Variants in HOMER3 observed in about 807,000 individuals in gnomAD.
HOMER3 encodes homer scaffold protein 3.
In HOMER3, 34 loss-of-function variants were observed where a neutral mutation model predicts 45.5. The observed-to-expected ratio is 0.75, with a 90% CI of 0.57 to 1.00. The LOEUF is 1.00. Ranked by LOEUF, HOMER3 falls within the 50% of genes least tolerant of loss-of-function variation. The pLI is 0.00. For synonymous variants in HOMER3, 223 were observed against 208.8 expected, an observed-to-expected ratio of 1.07 and a Z score of -0.58; for missense variants, 480 against 497.5, an observed-to-expected ratio of 0.96 and a Z score of 0.33.
In HOMER3 at chr19:18,941,191, G is replaced by A. The variant is rs1210100834; in HGVS notation, c.-208C>T. On this transcript the variant is annotated 5_prime_UTR_variant, in exon 1 of 10. Transcript: ENST00000392351. ...CCGCGCCGCCCTCCACGCCGCCCGTGCCTTTGTCTGCGCCGCCGCCGCCCG... is the reference window on the plus strand; with the variant it reads ...CCGCGCCGCCCTCCACGCCGCCCGTACCTTTGTCTGCGCCGCCGCCGCCCG... 1 of 147,994 alleles carries A rather than the reference G, an allele frequency of 6.8e-6. No individual in the cohort carries two copies. Among genetic ancestry groups the A allele is most frequent in the Non-Finnish European group, 1.5e-5 (1 of 66,216 alleles). 9.2% of individuals were successfully genotyped at this position (147,994 alleles called of 1,614,324 possible).
chr19:18,935,630 C>T (rs2057083391), intron 4 of HOMER3, among the ~76,000 whole-genome samples: 1 of 152,012 alleles, frequency 6.6e-6, no homozygotes, highest in Non-Finnish European at 1.5e-5. Flanking sequence ...TTACATTTAC[C>T]ACCTATTTAT....
Position 18,932,988 on chromosome 19 carries a change from T to C in HOMER3, c.469A>G (p.Ser157Gly). 6.8e-7 allele frequency: 1 copy of C among 1,467,374 alleles called. No individual in the cohort carries two copies. Among genetic ancestry groups the C allele is most frequent in the Non-Finnish European group, 9.0e-7 (1 of 1,111,828 alleles). 90.9% of individuals were successfully genotyped at this position (1,467,374 alleles called of 1,614,324 possible). The change falls in exon 6 of 10, where the codon AGC (serine) becomes GGC (glycine). Residue 157 changes from serine to glycine, a missense_variant. By Grantham distance (56) the Ser-to-Gly change is moderately conservative (BLOSUM62 0). Transcript: ENST00000392351. ...NGPGEEKLFR[S>G]QSADAPGPTE... ...GGGCCGGGGGCATCAGCGCTCTGGC[T>C]GCGGAACAGTTTTTCCTCGCCGGGG...
chr19:18,932,343 G>A (rs1178560205), intron 6 of HOMER3, among the ~76,000 whole-genome samples: 2 of 143,266 alleles, frequency 1.4e-5, no homozygotes, highest in African/African-American at 5.2e-5. Flanking sequence ...CAGCGGCAAT[G>A]CTCGGTTAGG....
At chr19:18,932,364 A>G (rs113844186) in intron 6 of HOMER3, among the ~76,000 whole-genome samples, 2,967 of 14,892 alleles carry the variant, frequency 0.2, 133 homozygotes, top group African/African-American at 0.38. Flanking sequence ...GGGCGGGGCC[A>G]GGGTGGGTGG....
chr19:18,938,624 G>T, intron 3 of HOMER3, 104 bp downstream of exon 3: 1 of 1,503,314 alleles, frequency 6.7e-7, no homozygotes, highest in Non-Finnish European at 9.1e-7. Context: ...GCCTGGGAAG[G>T]CTTAGGGTTT....
chr19:18,933,083 C>T, intron 5 of HOMER3, 38 bp from the exon 6 acceptor site: 1 of 1,455,618 alleles, frequency 6.9e-7, no homozygotes, highest in Non-Finnish European at 9.1e-7. Flanking sequence ...GACCCCACAT[C>T]AGCTGGGATC....
At chr19:18,938,249 A>G in intron 4 of HOMER3, 104 bp downstream of exon 4, 3 of 1,236,774 alleles carry the variant, frequency 2.4e-6, no homozygotes, top group Non-Finnish European at 3.4e-6. Context: ...CCCATCCTGC[A>G]GATGGGAAGA....
Position 18,939,048 on chromosome 19 carries a change from C to A in HOMER3, c.-66G>T. ...GAGGTGGCAGGAGCACTGGTTTGGCCCCTAGGGAGAGAGGAGGGACTATGA... is the reference window on the plus strand; with the variant it reads ...GAGGTGGCAGGAGCACTGGTTTGGCACCTAGGGAGAGAGGAGGGACTATGA... On this transcript the variant is annotated splice_region_variant and 5_prime_UTR_variant, in exon 2 of 10. Transcript: ENST00000392351. 1 of 1,482,942 alleles carries A rather than the reference C, an allele frequency of 6.7e-7. No homozygotes were observed. Among genetic ancestry groups the A allele is most frequent in the Non-Finnish European group, 9.0e-7 (1 of 1,110,958 alleles). The allele number at this position is 1,482,942 out of a possible 1,614,324, so 91.9% of individuals were successfully genotyped here. A position where few individuals can be genotyped will look rare whatever the true frequency, so the allele number is the denominator to read the frequency against.
At chr19:18,936,262 G>A (rs1033006828) in intron 4 of HOMER3, among the ~76,000 whole-genome samples, 3 of 150,282 alleles carry the variant, frequency 2.0e-5, no homozygotes, top group Non-Finnish European at 4.4e-5. Flanking sequence ...GCGGTGAGCC[G>A]AGATCGCACC....
intron 1 of HOMER3, chr19:18,940,213 G>C (rs1407346767): frequency 6.6e-6 from 1 of 152,472 alleles, no homozygotes; most frequent in Non-Finnish European, 1.5e-5. Context: ...ACTGGGGGCG[G>C]GTCCTGCGCC....
intron 6 of HOMER3, 28 bp from the exon 7 acceptor site, chr19:18,932,160 G>A: frequency 6.6e-7 from 1 of 1,507,244 alleles, no homozygotes; most frequent in African/African-American, 1.4e-5. Context: ...TCGGCAGTGG[G>A]TGACACGGGG....
intron 9 of HOMER3, chr19:18,931,119 G>A (rs368125575): frequency 5.4e-6 from 3 of 550,670 alleles, no homozygotes; most frequent in East Asian, 2.9e-5. Context: ...TGGGAATACA[G>A]CAGGAACTCA....
rs535674442 is a variant in HOMER3, at chr19:18,932,252, C to A, written c.534-120G>T. ...CTCTGGGCTTAGGTCAGGGCGAAGG[C>A]TGGCGAGGGTGCGGAGTCGTGCGCG... is the stretch of plus-strand genomic sequence containing the variant. On this transcript the variant is annotated intron_variant, in intron 6 of 9. Coordinates refer to ENST00000392351, the MANE Select transcript of HOMER3 (RefSeq NM_004838.4). 1.8e-3 allele frequency: 1,619 copies of A among 898,728 alleles called. 21 individuals are homozygous for A. In the African/African-American group the frequency reaches 0.03, roughly 17 times the overall value. 55.7% of individuals were successfully genotyped at this position (898,728 alleles called of 1,614,324 possible).
chr19:18,929,480 C>T lies in HOMER3; in HGVS notation c.1049G>A (p.Arg350His), dbSNP rs144253419. The T allele has an allele frequency of 3.1e-6, 5 of 1,599,654 alleles. No individual in the cohort carries two copies. The highest frequency in any genetic ancestry group is 2.7e-5 in the African/African-American group (2 of 74,868). Residue 350 changes from arginine to histidine, a missense_variant, in exon 10 of 10, where the codon CGT (arginine) becomes CAT (histidine). Arg to His is a conservative substitution (Grantham distance 29). Transcript: ENST00000392351. ...CTCAGCCAGGCGGGCCAGGCCCTCACGCAGCTCACTCAGCTCAAACAGGCT... is the reference window on the plus strand; with the variant it reads ...CTCAGCCAGGCGGGCCAGGCCCTCATGCAGCTCACTCAGCTCAAACAGGCT... ...DVSLFELSEL[R>H]EGLARLAEAA...
At position 18,931,112 on chromosome 19, in the gene HOMER3, G is replaced by A. The variant is rs2057026687; in HGVS notation, c.894+213C>T. 9.6e-5 allele frequency: 52 copies of A among 540,932 alleles called. No individual in the cohort carries two copies. The South Asian group carries it at 1.4e-3, about 14-fold the overall frequency. The allele number at this position is 540,932 out of a possible 1,614,324, so 33.5% of individuals were successfully genotyped here. On this transcript the variant is annotated intron_variant, in intron 9 of 9. Coordinates refer to ENST00000392351, the MANE Select transcript of HOMER3 (RefSeq NM_004838.4). ...GAGGAATTGACGGGGTCTGGCATGGGAATACAGCAGGAACTCAAGCATTGC... is the reference window on the plus strand; with the variant it reads ...GAGGAATTGACGGGGTCTGGCATGGAAATACAGCAGGAACTCAAGCATTGC...
intron 9 of HOMER3, 114 bp downstream of exon 9, chr19:18,931,211 C>T: frequency 1.1e-6 from 1 of 921,474 alleles, no homozygotes. Context: ...GGCATCAGGC[C>T]TTCCACAGGA....
intron 4 of HOMER3, among the ~76,000 whole-genome samples, chr19:18,934,971 A>T (rs1308045492): frequency 6.7e-6 from 1 of 150,268 alleles, no homozygotes; most frequent in Admixed American, 6.6e-5. Flanking sequence ...CCTCATGAGT[A>T]GCTGGGATTA....
intron 6 of HOMER3, 50 bp downstream of exon 6, chr19:18,932,874 C>T: frequency 1.4e-6 from 1 of 734,876 alleles, no homozygotes; most frequent in Non-Finnish European, 2.0e-6. Context: ...GCCTCCTCGT[C>T]CCCCACCCCT....
At chr19:18,934,139 T>C (rs2057066691) in intron 5 of HOMER3, among the ~76,000 whole-genome samples, 164 bp downstream of exon 5, 1 of 152,232 alleles carries the variant, frequency 6.6e-6, no homozygotes, top group Non-Finnish European at 1.5e-5. Context: ...ACCACTCCTC[T>C]GTGGTCCCTG....
Sources: allele counts gnomAD v4.1 joint callset (sites outside exome capture counted in the v4.1 genomes callset), GRCh38; gene constraint gnomAD v4.1.1; transcripts MANE v1.5; gene names NCBI Gene and HGNC (gene_info 2026-07-23, HGNC 2026-07-21).